The following AKR1C3 variants were observed in gnomAD, a reference collection of about 807,000 sequenced individuals.
AKR1C3 encodes aldo-keto reductase family 1 member C3, also known as 3-alpha hydroxysteroid dehydrogenase, type II.
In AKR1C3, 48 loss-of-function variants were observed where a neutral mutation model predicts 43.6. The ratio of observed to expected loss-of-function variants is 1.10; its 90% CI spans 0.87 to 1.40. AKR1C3 has a LOEUF of 1.40. Ranked by LOEUF, AKR1C3 falls within the 40% of genes most tolerant of loss-of-function variation. AKR1C3 has a pLI of 0.00. For missense variants in AKR1C3, 482 were observed against 391.2 expected, an observed-to-expected ratio of 1.23 and a Z score of -1.96; for synonymous variants, 162 against 139.6, an observed-to-expected ratio of 1.16 and a Z score of -1.13.
chr10:5,050,081 C>T (rs1171858471), intron 1 of AKR1C3, among the ~76,000 whole-genome samples: 1 of 152,220 alleles, frequency 6.6e-6, no homozygotes, highest in Admixed American at 6.5e-5. Context: ...CTGCTCAGCT[C>T]CTTATCAGAT....
At chr10:5,101,917 C>T (rs1192071657) in intron 5 of AKR1C3, among the ~76,000 whole-genome samples, 184 bp from the exon 6 acceptor site, 1 of 152,134 alleles carries the variant, frequency 6.6e-6, no homozygotes, top group African/African-American at 2.4e-5. Flanking sequence ...ATGGCATTTC[C>T]ATTTATACTT....
At chr10:5,099,668 T>C in intron 5 of AKR1C3, 1 of 777,280 alleles carries the variant, frequency 1.3e-6, no homozygotes, top group Non-Finnish European at 2.0e-6. Context: ...GAATCGTGTG[T>C]AATATTTAGG....
chr10:5,060,553 T>G (rs1300998623), intron 1 of AKR1C3, among the ~76,000 whole-genome samples: 1 of 152,166 alleles, frequency 6.6e-6, no homozygotes, highest in Non-Finnish European at 1.5e-5. Context: ...CCAATTGGTG[T>G]ATTTACAATC....
chr10:5,064,457 C>A (rs1838452624), intron 1 of AKR1C3, among the ~76,000 whole-genome samples: 1 of 152,276 alleles, frequency 6.6e-6, no homozygotes, highest in East Asian at 1.9e-4. Flanking sequence ...AAATACCATT[C>A]TGAAATAGGC....
At chr10:5,082,049 A>G (rs1554782411) in intron 1 of AKR1C3, among the ~76,000 whole-genome samples, 1 of 152,208 alleles carries the variant, frequency 6.6e-6, no homozygotes, top group African/African-American at 2.4e-5. Context: ...AGGAAAAAAC[A>G]TTCTCCATTC....
In AKR1C3 at chr10:5,084,903, C is replaced by T. The variant is rs1358415778; in HGVS notation, c.85-11507C>T. 2.0e-5 allele frequency among the ~76,000 whole-genome samples: 3 copies of T among 152,078 alleles called. No individual in the cohort carries two copies. The East Asian group carries it at 5.8e-4, about 29-fold the overall frequency. ...TGTCTTTTATTGGTGTATAAGAATG[C>T]TTGTGATTTTTGCACATTGATTTTG... On this transcript the variant is annotated intron_variant, in intron 1 of 8. Transcript: ENST00000439082.
chr10:5,102,485 G>C lies in AKR1C3; in HGVS notation c.681G>C (p.Trp227Cys). The C allele has an allele frequency of 1.9e-6, 3 of 1,538,970 alleles. No individual in the cohort carries two copies. The highest frequency in any genetic ancestry group is 1.7e-6 in the Non-Finnish European group (2 of 1,147,318). Residue 227 changes from tryptophan to cysteine, a missense_variant and splice_region_variant, in exon 7 of 9, where the codon TGG (tryptophan) becomes TGC (cysteine). Trp to Cys is a radical substitution (Grantham distance 215). Coordinates refer to ENST00000380554, the MANE Select transcript of AKR1C3 (RefSeq NM_003739.6). ...TCAGCCTTTCTGCCTTTCCTTCCAG[G>C]GTGGACCCGAACTCCCCGGTGCTCT... is the stretch of plus-strand genomic sequence containing the variant. The part of the protein sequence containing the change: ...SALGSQRDKR[W>C]VDPNSPVLLE...
chr10:5,084,019 T>G (rs1486012635), intron 1 of AKR1C3, among the ~76,000 whole-genome samples: 2 of 152,234 alleles, frequency 1.3e-5, no homozygotes, highest in African/African-American at 4.8e-5. Flanking sequence ...TTTCTCCCAT[T>G]CTGTAGGTTG....
upstream of AKR1C3, among the ~76,000 whole-genome samples, chr10:5,090,209 A>T (rs1176692666): frequency 6.6e-6 from 1 of 152,128 alleles, no homozygotes; most frequent in Admixed American, 6.6e-5. Context: ...ACAGAGATAT[A>T]TCTGGGTAGA....
chr10:5,065,479 G>A (rs947467948), intron 1 of AKR1C3, among the ~76,000 whole-genome samples: 14 of 152,174 alleles, frequency 9.2e-5, no homozygotes, highest in African/African-American at 1.9e-4. Flanking sequence ...TTGTGTTACC[G>A]AAAGAGGGTG....
intron 1 of AKR1C3, chr10:5,077,963 A>G: frequency 1.5e-6 from 1 of 678,100 alleles, no homozygotes; most frequent in South Asian, 1.6e-5. Context: ...TTCAAGAAGG[A>G]TGCAAATATC....
In AKR1C3 at chr10:5,100,291, T is replaced by C. The variant is rs141422985; in HGVS notation, c.570+842T>C. On this transcript the variant is annotated intron_variant, in intron 5 of 8. Coordinates refer to ENST00000380554, the MANE Select transcript of AKR1C3 (RefSeq NM_003739.6). Reference sequence around the variant, plus strand: ...CCTGGGCAACAAGAGTGAAACTCCGTCTCAAAAAAAAAGAGAAAAATTACC... The same window carrying C: ...CCTGGGCAACAAGAGTGAAACTCCGCCTCAAAAAAAAAGAGAAAAATTACC... 1.2e-4 allele frequency among the ~76,000 whole-genome samples: 18 copies of C among 152,048 alleles called. No homozygotes were observed. The East Asian group carries it at 3.5e-3, about 29-fold the overall frequency.
chr10:5,063,062 C>T (rs1388975744), intron 1 of AKR1C3, among the ~76,000 whole-genome samples: 2 of 152,050 alleles, frequency 1.3e-5, no homozygotes, highest in Non-Finnish European at 2.9e-5. Context: ...CCATTTAGAC[C>T]TATAAAGATG....
chr10:5,083,617 G>T (rs1554782647), intron 1 of AKR1C3, among the ~76,000 whole-genome samples: 1 of 152,112 alleles, frequency 6.6e-6, no homozygotes, highest in African/African-American at 2.4e-5. Flanking sequence ...TGGGTCAAAT[G>T]GTATTTCTAG....
chr10:5,056,875 G>C (rs966477308), intron 1 of AKR1C3, among the ~76,000 whole-genome samples: 1 of 152,206 alleles, frequency 6.6e-6, no homozygotes, highest in African/African-American at 2.4e-5. Context: ...AATACCTGGT[G>C]CCAGGCTGTC....
upstream of AKR1C3, among the ~76,000 whole-genome samples, chr10:5,093,159 T>C (rs1839132843): frequency 6.6e-6 from 1 of 152,086 alleles, no homozygotes; most frequent in African/African-American, 2.4e-5. Flanking sequence ...ATTGCACGTC[T>C]CTTCCCCTAA....
upstream of AKR1C3, among the ~76,000 whole-genome samples, chr10:5,090,948 C>G (rs2211624): frequency 0.87 from 132,397 of 151,990 alleles, 57,922 homozygotes; most frequent in African/African-American, 0.96. Context: ...TGACCATTGG[C>G]ATTGACTATT....
At chr10:5,069,123 C>G (rs137948202) in intron 1 of AKR1C3, among the ~76,000 whole-genome samples, 5 of 152,192 alleles carry the variant, frequency 3.3e-5, no homozygotes, top group South Asian at 4.1e-4. Context: ...TAAAACTTTA[C>G]AGAAGGGACA....
At chr10:5,051,072 T>A (rs1244185165) in intron 1 of AKR1C3, among the ~76,000 whole-genome samples, 4 of 151,194 alleles carry the variant, frequency 2.6e-5, no homozygotes, top group Admixed American at 2.0e-4. Context: ...TTTTTGAAGA[T>A]TTGACTGTGT....
Sources: allele counts gnomAD v4.1 joint callset (sites outside exome capture counted in the v4.1 genomes callset), GRCh38; gene constraint gnomAD v4.1.1; transcripts MANE v1.5; gene names NCBI Gene and HGNC (gene_info 2026-07-23, HGNC 2026-07-21).